Variants in FSTL5 observed in about 807,000 individuals in gnomAD.
The protein encoded by FSTL5 is follistatin-related protein 5.
In FSTL5, 62 loss-of-function variants were observed where a neutral mutation model predicts 89.1. The observed-to-expected ratio is 0.70, with a 90% confidence interval of 0.57 to 0.86. The LOEUF is 0.86. FSTL5 is among the 40% of genes least tolerant of loss of function. The pLI is 0.00. For missense variants in FSTL5, 1,057 were observed against 1,001.6 expected (o/e 1.06, Z -0.75); for synonymous variants, 383 against 346.2 (o/e 1.11, Z -1.18).
intron 1 of FSTL5, among the ~76,000 whole-genome samples, chr4:162,139,069 A>G (rs1732626113): frequency 6.6e-6 from 1 of 151,978 alleles, no homozygotes; most frequent in Non-Finnish European, 1.5e-5. Context: ...TTTTTTCCCC[A>G]TATCTTTTCA....
At chr4:161,604,305 CTGGGGTCCTGAATAAAGCA>C (rs1734361194) in intron 7 of FSTL5, among the ~76,000 whole-genome samples, 1 of 152,016 alleles carries the variant, frequency 6.6e-6, no homozygotes, top group South Asian at 2.1e-4. Context: ...CAGAAGAACT[CTGGGGTCCTGAATAAAGCA>C]AGCACATCAT....
At chr4:161,525,339 A>C (rs1731179469) in intron 10 of FSTL5, among the ~76,000 whole-genome samples, 1 of 152,144 alleles carries the variant, frequency 6.6e-6, no homozygotes, top group Admixed American at 6.5e-5. Flanking sequence ...TCTCTGCAGA[A>C]CTTTTATTAT....
rs11405532 is a variant in FSTL5, at chr4:161,521,848, C to CAAAAAAAA, written c.1313-11432_1313-11425dup. ...TGGATGACAGAGCAGGACTCCACCT[C>CAAAAAAAA]AAAAAAAAAAAAAAAAGAAAAAAAA... On this transcript the variant is annotated intron_variant, in intron 10 of 15. Transcript: ENST00000306100. Among the ~76,000 whole-genome samples the CAAAAAAAA allele has an allele frequency of 6.6e-3, 378 of 56,914 alleles. 1 individual carries two copies. Among genetic ancestry groups the CAAAAAAAA allele is most frequent in the East Asian group, 0.024 (40 of 1,638 alleles). 37.3% of individuals were successfully genotyped at this position (56,914 alleles called of 152,430 possible). A position where few individuals can be genotyped will look rare whatever the true frequency, so the allele number is the denominator to read the frequency against.
chr4:161,999,706 T>A (rs947497846), intron 3 of FSTL5, among the ~76,000 whole-genome samples: 9 of 152,324 alleles, frequency 5.9e-5, no homozygotes, highest in East Asian at 3.9e-4. Flanking sequence ...TCATTTATAC[T>A]TCAATTATCT....
intron 15 of FSTL5, among the ~76,000 whole-genome samples, chr4:161,408,775 A>T (rs1005385450): frequency 6.6e-6 from 1 of 152,360 alleles, no homozygotes; most frequent in Middle Eastern, 3.4e-3. Flanking sequence ...CAAGAATTGT[A>T]TAATACAATC....
chr4:161,655,012 G>A (rs1736466907), intron 7 of FSTL5, among the ~76,000 whole-genome samples: 1 of 152,210 alleles, frequency 6.6e-6, no homozygotes, highest in South Asian at 2.1e-4. Flanking sequence ...TTCTAAAAAT[G>A]AGCCTGAGTA....
intron 2 of FSTL5, among the ~76,000 whole-genome samples, chr4:162,094,631 G>A (rs1730677814): frequency 6.6e-6 from 1 of 152,072 alleles, no homozygotes; most frequent in African/African-American, 2.4e-5. Context: ...CCTACTGTAG[G>A]ATTCTATTTA....
At chr4:161,518,861 C>T (rs1273057318) in intron 10 of FSTL5, among the ~76,000 whole-genome samples, 4 of 152,112 alleles carry the variant, frequency 2.6e-5, no homozygotes, top group Non-Finnish European at 4.4e-5. Context: ...GGTTCTTGCT[C>T]AGGGTATTTC....
rs1347499933 is a variant in FSTL5, at chr4:161,877,946, G to A, written c.409+42458C>T. On this transcript the variant is annotated intron_variant, in intron 4 of 15. Transcript: ENST00000306100. ...TGGGATTACAGGCATGAGTAACTGC[G>A]CCCGGCACCAATATTCTGTTTTTTA... 2.6e-5 allele frequency among the ~76,000 whole-genome samples: 4 copies of A among 151,048 alleles called. No individual in the cohort carries two copies. In the South Asian group the frequency reaches 6.3e-4, roughly 24 times the overall value.
chr4:161,922,127 T>C (rs1734010326), intron 3 of FSTL5, among the ~76,000 whole-genome samples: 1 of 151,996 alleles, frequency 6.6e-6, no homozygotes, highest in African/African-American at 2.4e-5. Context: ...TAATTTATAT[T>C]TCTGATAGCA....
At chr4:161,489,266 C>T (rs1729785658) in intron 12 of FSTL5, among the ~76,000 whole-genome samples, 1 of 151,894 alleles carries the variant, frequency 6.6e-6, no homozygotes, top group African/African-American at 2.4e-5. Context: ...GGGGGAAGGT[C>T]CAGGGGCCAT....
At chr4:161,796,304 T>C (rs1262180611) in intron 4 of FSTL5, among the ~76,000 whole-genome samples, 2 of 151,824 alleles carry the variant, frequency 1.3e-5, no homozygotes, top group African/African-American at 4.8e-5. Context: ...AACAGAAAGA[T>C]GAATAATTTT....
At chr4:161,568,661 A>C (rs1467588285) in intron 8 of FSTL5, among the ~76,000 whole-genome samples, 1 of 152,172 alleles carries the variant, frequency 6.6e-6, no homozygotes, top group Non-Finnish European at 1.5e-5. Flanking sequence ...AATTACACAG[A>C]TCAAGTTTGG....
intron 15 of FSTL5, among the ~76,000 whole-genome samples, chr4:161,419,295 C>T (rs899961555): frequency 3.9e-5 from 6 of 152,080 alleles, no homozygotes; most frequent in African/African-American, 1.4e-4. Flanking sequence ...CTGTCTAAAC[C>T]ATACATATTT....
chr4:161,994,144 G>A (rs1736220938), intron 3 of FSTL5, among the ~76,000 whole-genome samples: 1 of 152,100 alleles, frequency 6.6e-6, no homozygotes, highest in African/African-American at 2.4e-5. Flanking sequence ...AGAACATGTG[G>A]TATTTGGTTT....
chr4:162,102,634 TATAA>T (rs1731041681), intron 2 of FSTL5, among the ~76,000 whole-genome samples: 1 of 146,194 alleles, frequency 6.8e-6, no homozygotes. Context: ...TTATAACATA[TATAA>T]ATATGTATAT....
At chr4:162,126,259 C>T (rs1022583915) in intron 1 of FSTL5, among the ~76,000 whole-genome samples, 20 of 151,984 alleles carry the variant, frequency 1.3e-4, no homozygotes, top group African/African-American at 4.3e-4. Flanking sequence ...CAACATGTCC[C>T]GTTCTTTGTA....
At chr4:161,546,314 A>G (rs570553140) in intron 8 of FSTL5, among the ~76,000 whole-genome samples, 25 of 149,108 alleles carry the variant, frequency 1.7e-4, no homozygotes, top group African/African-American at 5.1e-4. Flanking sequence ...ATATACACAT[A>G]TATAAAACTG....
At chr4:161,994,916 G>C (rs1736244305) in intron 3 of FSTL5, among the ~76,000 whole-genome samples, 1 of 152,108 alleles carries the variant, frequency 6.6e-6, no homozygotes, top group African/African-American at 2.4e-5. Context: ...TTTTGCTTTT[G>C]TTGTGATTGC....
Sources: gnomAD v4.1 joint callset for allele counts (sites outside exome capture counted in the v4.1 genomes callset) on GRCh38, gnomAD v4.1.1 for gene constraint, MANE v1.5 for transcripts, NCBI Gene and HGNC (gene_info 2026-07-23, HGNC 2026-07-21) for gene names.